The following SGCZ variants were observed in gnomAD, a reference collection of about 807,000 sequenced individuals.
SGCZ encodes zeta-sarcoglycan.
SGCZ carries 40 observed loss-of-function variants against 41.3 expected under a neutral mutation model. That is an observed-to-expected ratio of 0.97 (90% CI 0.75 to 1.26). SGCZ has a LOEUF of 1.26. SGCZ is among the 50% of genes most tolerant of loss of function. The pLI, the probability that SGCZ is intolerant of heterozygous loss-of-function variation, is 0.00. For synonymous variants in SGCZ, 206 were observed against 137.5 expected (o/e 1.50, Z -3.49); for missense variants, 552 against 369.8 (o/e 1.49, Z -4.04).
At chr8:14,536,224 G>A (rs1385814629) in intron 2 of SGCZ, among the ~76,000 whole-genome samples, 1 of 151,780 alleles carries the variant, frequency 6.6e-6, no homozygotes, top group Non-Finnish European at 1.5e-5. Flanking sequence ...AGGATGCTGT[G>A]TCAAATATGG....
chr8:14,567,032 C>T (rs1804390166), intron 1 of SGCZ, among the ~76,000 whole-genome samples: 1 of 152,218 alleles, frequency 6.6e-6, no homozygotes, highest in Non-Finnish European at 1.5e-5. Flanking sequence ...TGCCGGCTCC[C>T]CGGGGCTGTG....
chr8:15,084,118 C>A (rs1320520229), intron 1 of SGCZ, among the ~76,000 whole-genome samples: 3 of 152,126 alleles, frequency 2.0e-5, no homozygotes, highest in African/African-American at 7.2e-5. Flanking sequence ...TGGTAAATCT[C>A]CAAACAAGTA....
At chr8:15,199,639 C>A (rs763838037) in intron 1 of SGCZ, among the ~76,000 whole-genome samples, 2 of 152,110 alleles carry the variant, frequency 1.3e-5, no homozygotes, top group Non-Finnish European at 2.9e-5. Flanking sequence ...GCTGATACCC[C>A]TCTACAGTCA....
chr8:14,476,006 T>C (rs1415831932), intron 2 of SGCZ, among the ~76,000 whole-genome samples: 3 of 151,810 alleles, frequency 2.0e-5, no homozygotes, highest in African/African-American at 7.3e-5. Context: ...AGGGTCTCAC[T>C]ATGTTGCCCT....
At chr8:15,163,887 G>C (rs115192306) in intron 1 of SGCZ, among the ~76,000 whole-genome samples, 2,823 of 152,308 alleles carry the variant, frequency 0.019, 90 homozygotes, top group African/African-American at 0.064. Context: ...CCAGGTGGGA[G>C]GGTGTCCTCA....
chr8:15,118,023 A>G (rs1807335338), intron 1 of SGCZ, among the ~76,000 whole-genome samples: 1 of 152,236 alleles, frequency 6.6e-6, no homozygotes, highest in Non-Finnish European at 1.5e-5. Flanking sequence ...ATCATGAAAG[A>G]TAAGAATGTC....
chr8:14,307,660 A>G (rs963460570), intron 3 of SGCZ, among the ~76,000 whole-genome samples: 1 of 152,154 alleles, frequency 6.6e-6, no homozygotes, highest in African/African-American at 2.4e-5. Flanking sequence ...GTCCACATAA[A>G]ATTTGTGATC....
intron 1 of SGCZ, among the ~76,000 whole-genome samples, chr8:14,750,540 A>T (rs1019587634): frequency 2.0e-5 from 3 of 152,178 alleles, no homozygotes; most frequent in African/African-American, 7.2e-5. Flanking sequence ...GATATCAGGC[A>T]TTAATTTTCT....
chr8:14,878,695 T>G (rs1296123700), intron 1 of SGCZ, among the ~76,000 whole-genome samples: 1 of 152,176 alleles, frequency 6.6e-6, no homozygotes, highest in Non-Finnish European at 1.5e-5. Context: ...AAGTCTATAA[T>G]GAGAATGATT....
chr8:14,333,788 A>G (rs941968454), intron 2 of SGCZ, among the ~76,000 whole-genome samples: 1 of 152,136 alleles, frequency 6.6e-6, no homozygotes, highest in African/African-American at 2.4e-5. Flanking sequence ...GGGATGAATT[A>G]TTCATATTTT....
chr8:15,062,140 A>C (rs1379692748), intron 1 of SGCZ, among the ~76,000 whole-genome samples: 1 of 152,114 alleles, frequency 6.6e-6, no homozygotes, highest in Admixed American at 6.6e-5. Context: ...CTTACTTTTC[A>C]TATGTGATCA....
chr8:14,661,560 T>C (rs954719778), intron 1 of SGCZ, among the ~76,000 whole-genome samples: 5 of 152,138 alleles, frequency 3.3e-5, no homozygotes, highest in African/African-American at 9.7e-5. Flanking sequence ...GTGTCAACAA[T>C]TGGTCATCCC....
At chr8:15,066,238 G>T (rs1481434343) in intron 1 of SGCZ, among the ~76,000 whole-genome samples, 1 of 150,304 alleles carries the variant, frequency 6.7e-6, no homozygotes, top group Non-Finnish European at 1.5e-5. Flanking sequence ...AACCCGGGAA[G>T]CGGAGCTTGC....
At chr8:14,739,361 A>G (rs946316180) in intron 1 of SGCZ, among the ~76,000 whole-genome samples, 1 of 152,128 alleles carries the variant, frequency 6.6e-6, no homozygotes, top group Non-Finnish European at 1.5e-5. Context: ...CAATAAGATT[A>G]TCTACATAGA....
At chr8:14,995,002 C>A (rs1349377911) in intron 1 of SGCZ, among the ~76,000 whole-genome samples, 1 of 152,122 alleles carries the variant, frequency 6.6e-6, no homozygotes, top group East Asian at 1.9e-4. Context: ...GGAGAAAATG[C>A]CAAAGAAAAA....
intron 1 of SGCZ, among the ~76,000 whole-genome samples, chr8:15,053,426 T>A (rs1247747464): frequency 3.9e-5 from 6 of 152,190 alleles, no homozygotes; most frequent in Non-Finnish European, 8.8e-5. Flanking sequence ...CTTGCTTGCA[T>A]GGTGCACAGG....
intron 1 of SGCZ, among the ~76,000 whole-genome samples, chr8:14,941,639 T>C (rs1167750632): frequency 6.6e-6 from 1 of 152,024 alleles, no homozygotes; most frequent in African/African-American, 2.4e-5. Context: ...TAACTCTTTT[T>C]ATAAACTTTG....
intron 3 of SGCZ, among the ~76,000 whole-genome samples, chr8:14,245,087 C>A (rs967979341): frequency 1.3e-5 from 2 of 152,140 alleles, no homozygotes; most frequent in Non-Finnish European, 2.9e-5. Context: ...CCCTTTATTT[C>A]CTTCTCCTGC....
In SGCZ at chr8:14,601,598, G is replaced by T. The variant is rs933248238; in HGVS notation, c.40-46672C>A. On this transcript the variant is annotated intron_variant, in intron 1 of 7. Transcript: ENST00000382080. ...TCTAATACGTAGAGCATACAAGTTG[G>T]TAGTTGGTATTTGATTGTTTACAAA... 3.9e-5 allele frequency among the ~76,000 whole-genome samples: 6 copies of T among 152,076 alleles called. No individual in the cohort carries two copies. In the East Asian group the frequency reaches 9.7e-4, roughly 24 times the overall value.
Sources: allele counts gnomAD v4.1 joint callset (sites outside exome capture counted in the v4.1 genomes callset), GRCh38; gene constraint gnomAD v4.1.1; transcripts MANE v1.5; gene names NCBI Gene and HGNC (gene_info 2026-07-23, HGNC 2026-07-21).